The following CFAP92 variants were observed in gnomAD, a reference collection of about 807,000 sequenced individuals.
The protein encoded by CFAP92 is uncharacterized protein CFAP92.
Under a neutral mutation model 106.3 loss-of-function variants are expected in CFAP92, and 86 were observed. That is an observed-to-expected ratio of 0.81 (90% CI 0.68 to 0.97). The LOEUF (loss-of-function observed/expected upper bound fraction) is 0.97. Among genes scored for constraint, CFAP92 ranks in the 50% least tolerant of loss-of-function variants. The probability of loss-of-function intolerance (pLI) is 0.00; values close to 1 mark genes in which losing one functional copy is unlikely to be tolerated. For synonymous variants in CFAP92, 477 were observed against 506.4 expected, an observed-to-expected ratio of 0.94 and a Z score of 0.78; for missense variants, 1,204 against 1,283.8, an observed-to-expected ratio of 0.94 and a Z score of 0.95.
At chr3:129,003,854 G>C (rs1576694311), upstream of CFAP92, 1 of 1,452,494 alleles carries the variant, frequency 6.9e-7, no homozygotes, top group East Asian at 3.0e-5. Context: ...GCCGGAGGCT[G>C]CGGTGCGGGA....
chr3:128,985,329 T>G lies in CFAP92; in HGVS notation c.667+2287A>C, dbSNP rs550281209. Among the ~76,000 whole-genome samples, 4 of 152,236 alleles carry G rather than the reference T, an allele frequency of 2.6e-5. No individual in the cohort carries two copies. The South Asian group carries it at 8.3e-4, about 32-fold the overall frequency. On this transcript the variant is annotated intron_variant, in intron 4 of 15. Coordinates refer to ENST00000645291, the MANE Select transcript of CFAP92 (RefSeq NM_001394090.1). The stretch of plus-strand genomic sequence containing the variant: ...AAATTTAAAAAGTAGCCATGTGTGG[T>G]GGCACATACCCGTGGTCCCAGCTAC...
chr3:128,931,913 G>C (rs752410647), intron 12 of CFAP92, among the ~76,000 whole-genome samples: 2 of 152,100 alleles, frequency 1.3e-5, no homozygotes, highest in Non-Finnish European at 2.9e-5. Flanking sequence ...GCCTACTCAG[G>C]AGGCCGAGGT....
chr3:128,985,337 AC>A (rs569663484), intron 4 of CFAP92, among the ~76,000 whole-genome samples: 111 of 152,278 alleles, frequency 7.3e-4, no homozygotes, highest in Admixed American at 3.7e-3. Context: ...GGTGGCACAT[AC>A]CCGTGGTCCC....
chr3:128,957,427 G>A (rs143225033), intron 9 of CFAP92, among the ~76,000 whole-genome samples: 44 of 152,116 alleles, frequency 2.9e-4, no homozygotes, highest in Non-Finnish European at 5.1e-4. Context: ...AAGAGATTGC[G>A]AAAAGTTATG....
the CFAP92 span, among the ~76,000 whole-genome samples, chr3:129,019,989 G>A: frequency 2.0e-5 from 3 of 151,758 alleles, no homozygotes; most frequent in East Asian, 1.9e-4. Context: ...GGCTGGTCTC[G>A]AACTCCTGAC....
At chr3:128,982,837 AAC>A (rs1286682566) in intron 4 of CFAP92, among the ~76,000 whole-genome samples, 1 of 152,220 alleles carries the variant, frequency 6.6e-6, no homozygotes, top group East Asian at 1.9e-4. Context: ...CTGGAGTCAG[AAC>A]ACACACAGCA....
intron 13 of CFAP92, 130 bp downstream of exon 13, chr3:128,915,977 G>T: frequency 1.7e-6 from 1 of 588,416 alleles, no homozygotes; most frequent in Non-Finnish European, 2.5e-6. Context: ...TCTGAGCCTT[G>T]TCTACTTCCC....
intron 10 of CFAP92, among the ~76,000 whole-genome samples, chr3:128,943,369 C>T (rs1346199333): frequency 6.9e-6 from 1 of 144,718 alleles, no homozygotes; most frequent in Non-Finnish European, 1.5e-5. Context: ...CTCTCTTGCC[C>T]TCCCGAGTGG....
At chr3:128,971,118 C>T in intron 8 of CFAP92, 169 bp downstream of exon 8, 1 of 990,624 alleles carries the variant, frequency 1.0e-6, no homozygotes, top group Non-Finnish European at 1.5e-6. Flanking sequence ...CCTCTCTGGG[C>T]CTTTGTTTCC....
chr3:129,018,917 G>A, the CFAP92 span, among the ~76,000 whole-genome samples: 1 of 152,126 alleles, frequency 6.6e-6, no homozygotes, highest in Admixed American at 6.5e-5. Flanking sequence ...TGCATCTTCT[G>A]GCTGCTTTTC....
At chr3:129,003,658 C>A, upstream of CFAP92, 1 of 914,606 alleles carries the variant, frequency 1.1e-6, no homozygotes, top group Non-Finnish European at 1.4e-6. Context: ...GGCCTGGCAC[C>A]CGGAAGCAGA....
chr3:128,925,576 T>C (rs910774475), intron 12 of CFAP92, among the ~76,000 whole-genome samples: 5 of 151,988 alleles, frequency 3.3e-5, no homozygotes, highest in Non-Finnish European at 7.4e-5. Flanking sequence ...CAGATCATGG[T>C]GAAAATATCT....
At chr3:128,970,698 T>A (rs1942726700) in intron 8 of CFAP92, 1 of 152,490 alleles carries the variant, frequency 6.6e-6, no homozygotes, top group Non-Finnish European at 1.5e-5. Flanking sequence ...AATAATTAAA[T>A]CCCTGTTTGG....
chr3:128,997,653 C>T (rs553245297), upstream of CFAP92, among the ~76,000 whole-genome samples: 87 of 152,336 alleles, frequency 5.7e-4, 1 homozygote, highest in Non-Finnish European at 9.7e-4. Context: ...CATTCCTTTT[C>T]ATGACTGAAT....
intron 7 of CFAP92, among the ~76,000 whole-genome samples, chr3:128,972,691 A>G (rs1489977525): frequency 6.6e-6 from 1 of 151,852 alleles, no homozygotes; most frequent in Non-Finnish European, 1.5e-5. Context: ...CCCCATCTTT[A>G]CTAAAAATAA....
intron 10 of CFAP92, among the ~76,000 whole-genome samples, chr3:128,936,498 CAG>C (rs150747612): frequency 0.048 from 7,321 of 152,220 alleles, 356 homozygotes; most frequent in African/African-American, 0.12. Context: ...CCAACTAAAA[CAG>C]AGTCGACAGG....
rs191556099 is a variant in CFAP92 at position 128,965,530 on chromosome 3, A to G, written c.1334T>C (p.Val445Ala). The G allele has an allele frequency of 1.1e-4, 43 of 399,046 alleles. No homozygotes were observed. Among genetic ancestry groups the G allele is most frequent in the African/African-American group, 8.6e-4 (42 of 48,740 alleles). 24.7% of individuals were successfully genotyped at this position (399,046 alleles called of 1,614,324 possible). A position where few individuals can be genotyped will look rare whatever the true frequency, so the allele number is the denominator to read the frequency against. ...TCTTACCTCTAGTTCCTGAATGGGT[A>G]CAGGCTGTGATGGAAGGCAGGAAGC... ...KCASCLPSQP[V>A]PIQELERLCM... Residue 445 changes from valine to alanine, a missense_variant, in exon 9 of 16, where the codon GTA becomes GCA. Physicochemically the swap from Val to Ala is moderately conservative, Grantham distance 64 (BLOSUM62 0). Transcript: ENST00000645291.
intron 4 of CFAP92, among the ~76,000 whole-genome samples, chr3:128,985,966 C>T (rs572770783): frequency 6.6e-6 from 1 of 152,288 alleles, no homozygotes; most frequent in South Asian, 2.1e-4. Flanking sequence ...AAACACCCAG[C>T]AATCCACAGA....
rs200986648 is a variant in CFAP92, at chr3:128,910,004, A to G, written c.*295T>C. 6.2e-7 allele frequency: 1 copy of G among 1,612,668 alleles called. No homozygotes were observed. Among genetic ancestry groups the G allele is most frequent in the East Asian group, 2.2e-5 (1 of 44,850 alleles). ...GTCTAGGTAGTGAGTCCCCACTTGG[A>G]GCCTCTGTGATCCCAGACCATCATG... On this transcript the variant is annotated 3_prime_UTR_variant, in exon 16 of 16. Transcript: ENST00000645291.
Sources: gnomAD v4.1 joint callset for allele counts (sites outside exome capture counted in the v4.1 genomes callset) on GRCh38, gnomAD v4.1.1 for gene constraint, MANE v1.5 for transcripts, NCBI Gene and HGNC (gene_info 2026-07-23, HGNC 2026-07-21) for gene names.